Variants in SSBP3 observed in about 807,000 individuals in gnomAD.
The protein encoded by SSBP3 is single-stranded DNA-binding protein 3.
SSBP3 carries 5 observed loss-of-function variants against 69.6 expected under a neutral mutation model. The observed-to-expected ratio is 0.07, with a 90% CI of 0.04 to 0.15. The LOEUF (loss-of-function observed/expected upper bound fraction) is 0.15, where lower values mean the gene tolerates loss of function less well. SSBP3 is among the 10% of genes least tolerant of loss of function. The probability of loss-of-function intolerance (pLI) is 1.00; values close to 1 mark genes in which losing one functional copy is unlikely to be tolerated. For synonymous variants in SSBP3, 196 were observed against 193.4 expected, an observed-to-expected ratio of 1.01 and a Z score of -0.11; for missense variants, 312 against 534.0, an observed-to-expected ratio of 0.58 and a Z score of 4.10.
intron 5 of SSBP3, among the ~76,000 whole-genome samples, chr1:54,268,853 G>A (rs1385461633): frequency 1.3e-5 from 2 of 152,190 alleles, no homozygotes; most frequent in East Asian, 1.9e-4. Flanking sequence ...CAAACTTGAC[G>A]GAAAATGAGA....
In SSBP3 at chr1:54,258,050, A is replaced by G; in HGVS notation, c.447+19T>C. On this transcript the variant is annotated intron_variant, in intron 6 of 17. Transcript: ENST00000610401. This position sits in a 1 kb window ranked among gnomAD's most constrained non-coding sequence, Gnocchi z 4.5. Reference sequence around the variant, plus strand: ...GCGCCCCGCGTCCCCGGCGGGCGGGAGCGCCACGGTGCGTTTACCTGACTG... The same window carrying G: ...GCGCCCCGCGTCCCCGGCGGGCGGGGGCGCCACGGTGCGTTTACCTGACTG... 1 of 1,571,716 alleles carries G rather than the reference A, an allele frequency of 6.4e-7. No homozygotes were observed. Among genetic ancestry groups the G allele is most frequent in the South Asian group, 1.2e-5 (1 of 85,370 alleles).
intron 4 of SSBP3, among the ~76,000 whole-genome samples, chr1:54,372,930 A>T (rs932591952): frequency 6.6e-6 from 1 of 152,118 alleles, no homozygotes; most frequent in Non-Finnish European, 1.5e-5. Flanking sequence ...TTTTTCTACA[A>T]TCTTCTTCCT....
At chr1:54,328,876 C>T (rs1427250997) in intron 4 of SSBP3, among the ~76,000 whole-genome samples, 2 of 152,222 alleles carry the variant, frequency 1.3e-5, no homozygotes, top group South Asian at 4.1e-4. Flanking sequence ...CCAGGCCCTA[C>T]TTCCTCCACA....
intron 14 of SSBP3, chr1:54,237,981 C>T: frequency 5.4e-6 from 2 of 372,238 alleles, no homozygotes; most frequent in Non-Finnish European, 5.6e-6. Context: ...GTGCTGTCAT[C>T]CCTCTGTGTG....
chr1:54,347,167 T>C, intron 4 of SSBP3, among the ~76,000 whole-genome samples: 1 of 152,062 alleles, frequency 6.6e-6, no homozygotes, highest in East Asian at 1.9e-4. Flanking sequence ...GGGGTCTCAC[T>C]ATGTTAACCA....
chr1:54,250,589 G>A (rs946329523), intron 9 of SSBP3, among the ~76,000 whole-genome samples: 1 of 152,152 alleles, frequency 6.6e-6, no homozygotes, highest in Admixed American at 6.5e-5. Flanking sequence ...ACCAGTGCAG[G>A]GGGCCCAGAG....
chr1:54,382,554 T>C (rs1036258166), intron 4 of SSBP3, among the ~76,000 whole-genome samples: 10 of 152,364 alleles, frequency 6.6e-5, no homozygotes, highest in Admixed American at 5.9e-4. Context: ...ACAAATATCT[T>C]TGATGACCTA....
At chr1:54,291,395 G>T (rs1040637528) in intron 4 of SSBP3, among the ~76,000 whole-genome samples, 1 of 152,148 alleles carries the variant, frequency 6.6e-6, no homozygotes, top group East Asian at 1.9e-4. Context: ...CTGTGTAAAT[G>T]AACAGTCGGG....
intron 4 of SSBP3, among the ~76,000 whole-genome samples, chr1:54,319,851 G>A (rs1321409473): frequency 6.6e-6 from 1 of 152,166 alleles, no homozygotes; most frequent in African/African-American, 2.4e-5. Context: ...TCTCTTTGAA[G>A]GACGCAGGTG....
At chr1:54,329,484 T>C (rs926047426) in intron 4 of SSBP3, among the ~76,000 whole-genome samples, 3 of 152,182 alleles carry the variant, frequency 2.0e-5, no homozygotes, top group African/African-American at 7.2e-5. Flanking sequence ...GATTGTGTAC[T>C]GGGAGGAGGC....
At chr1:54,227,016 G>A (rs1421771622) in exon 18 of SSBP3, 20 of 843,554 alleles carry the variant, frequency 2.4e-5, no homozygotes, top group South Asian at 2.0e-4. Context: ...GTTGAGGGGA[G>A]CAGGGAGATG....
At chr1:54,338,675 A>T (rs1052453923) in intron 4 of SSBP3, among the ~76,000 whole-genome samples, 1 of 152,248 alleles carries the variant, frequency 6.6e-6, no homozygotes, top group Admixed American at 6.5e-5. Flanking sequence ...GCCGAGGCTA[A>T]ACAGGGACCC....
intron 4 of SSBP3, among the ~76,000 whole-genome samples, chr1:54,380,054 T>TG (rs1647496575): frequency 6.6e-6 from 1 of 152,130 alleles, no homozygotes; most frequent in African/African-American, 2.4e-5. Context: ...GAGGGCTCTC[T>TG]GGTCAGAGAG....
At chr1:54,251,425 G>T (rs1644826141) in intron 9 of SSBP3, among the ~76,000 whole-genome samples, 191 bp downstream of exon 9, 1 of 152,236 alleles carries the variant, frequency 6.6e-6, no homozygotes, top group South Asian at 2.1e-4. Context: ...CCATCTGCAA[G>T]GGGCTGCCCT....
rs1477526833 is a variant in SSBP3, at chr1:54,258,017, C to T, written c.447+52G>A. 5 of 1,529,028 alleles carry T rather than the reference C, an allele frequency of 3.3e-6. No homozygotes were observed. Among genetic ancestry groups the T allele is most frequent in the Non-Finnish European group, 4.4e-6 (5 of 1,130,902 alleles). The allele number at this position is 1,529,028 out of a possible 1,614,324, so 94.7% of individuals were successfully genotyped here. On this transcript the variant is annotated intron_variant, in intron 6 of 17. Coordinates refer to ENST00000610401, the Ensembl canonical transcript of SSBP3. The surrounding 1 kb of genome is among the most constrained non-coding windows in gnomAD (Gnocchi z 4.5). ...TTGTTTTTCCTCTGCGGGCTCTCTG[C>T]TTCCTCCGCGCCCCGCGTCCCCGGC... is the stretch of plus-strand genomic sequence containing the variant.
intron 4 of SSBP3, among the ~76,000 whole-genome samples, chr1:54,379,672 G>T (rs1202187830): frequency 6.6e-6 from 1 of 152,172 alleles, no homozygotes; most frequent in Non-Finnish European, 1.5e-5. Context: ...CATCGGCAGG[G>T]ACAGTAGGAG....
At chr1:54,354,410 C>T (rs1037080111) in intron 4 of SSBP3, among the ~76,000 whole-genome samples, 12 of 152,148 alleles carry the variant, frequency 7.9e-5, no homozygotes, top group African/African-American at 1.2e-4. Context: ...CCCCACTGAA[C>T]GGCAAACCCG....
At chr1:54,362,888 A>G (rs949296762) in intron 4 of SSBP3, among the ~76,000 whole-genome samples, 2 of 152,094 alleles carry the variant, frequency 1.3e-5, no homozygotes, top group African/African-American at 2.4e-5. Flanking sequence ...ACAGGCATTT[A>G]TAAGAGCTGG....
intron 4 of SSBP3, among the ~76,000 whole-genome samples, chr1:54,359,144 G>A (rs534037617): frequency 1.3e-5 from 2 of 151,012 alleles, no homozygotes; most frequent in South Asian, 2.1e-4. Flanking sequence ...CCCACTGGTG[G>A]AGGTGGGGAG....
Sources: gnomAD v4.1 joint callset for allele counts (sites outside exome capture counted in the v4.1 genomes callset) on GRCh38, gnomAD v4.1.1 for gene constraint, Gnocchi (gnomAD v3.1) non-coding constraint, MANE v1.5 for transcripts, NCBI Gene and HGNC (gene_info 2026-07-23, HGNC 2026-07-21) for gene names.